The following NUGGC variants were observed in gnomAD, a reference collection of about 807,000 sequenced individuals.
NUGGC encodes nuclear GTPase SLIP-GC.
Under a neutral mutation model 92.6 loss-of-function variants are expected in NUGGC, and 58 were observed. That is an observed-to-expected ratio of 0.63 (90% CI 0.51 to 0.78). The LOEUF is 0.78. NUGGC is among the 30% of genes least tolerant of loss of function. The pLI, the probability that NUGGC is intolerant of heterozygous loss-of-function variation, is 0.00. For synonymous variants in NUGGC, 376 were observed against 366.4 expected (o/e 1.03, Z -0.30); for missense variants, 925 against 964.6 (o/e 0.96, Z 0.54).
At position 28,027,018 on chromosome 8, in the gene NUGGC, G is replaced by A; in HGVS notation, c.2189C>T (p.Thr730Ile). ...GGACGAAGCAAGGGCCAGCATAGTG[G>A]TGATGCTGCCCTTCACCTTCTCCAC... ...GIVEKVKGSI[T>I]TMLALASSQG... is the part of the protein sequence containing the mutation. The change falls in exon 18 of 19, where the codon ACC becomes ATC. Residue 730 changes from threonine (T) to isoleucine (I), a missense_variant. Thr to Ile is a moderately conservative substitution (Grantham distance 89). Coordinates refer to ENST00000413272, the MANE Select transcript of NUGGC (RefSeq NM_001010906.2). 6.2e-7 allele frequency: 1 copy of A among 1,613,734 alleles called. No homozygotes were observed.
At chr8:28,029,899 A>G (rs540903528) in intron 16 of NUGGC, among the ~76,000 whole-genome samples, 4 of 152,344 alleles carry the variant, frequency 2.6e-5, no homozygotes, top group African/African-American at 7.2e-5. Context: ...AAACCTAATG[A>G]CTGAATTAAG....
chr8:28,039,219 C>T (rs1239568524), intron 13 of NUGGC, among the ~76,000 whole-genome samples: 1 of 148,744 alleles, frequency 6.7e-6, no homozygotes, highest in Non-Finnish European at 1.5e-5. Flanking sequence ...GCAGCACATG[C>T]ATCTACTTAT....
Position 28,041,645 on chromosome 8 carries a change from T to C in NUGGC, c.1447-430A>G, listed in dbSNP as rs114560514. ...GGATAATGCTTCTTAAATTTTAACATGCATACAAATCAACAGGAGATCTTA... is the reference window on the plus strand; with the variant it reads ...GGATAATGCTTCTTAAATTTTAACACGCATACAAATCAACAGGAGATCTTA... On this transcript the variant is annotated intron_variant, in intron 12 of 18. Coordinates refer to ENST00000413272, the MANE Select transcript of NUGGC (RefSeq NM_001010906.2). Among the ~76,000 whole-genome samples the C allele has an allele frequency of 5.1e-3, 776 of 152,344 alleles. 5 individuals are homozygous for C. Among genetic ancestry groups the C allele is most frequent in the African/African-American group, 0.017 (714 of 41,570 alleles).
At chr8:28,052,457 C>A (rs1290301212) in intron 10 of NUGGC, among the ~76,000 whole-genome samples, 2 of 152,012 alleles carry the variant, frequency 1.3e-5, no homozygotes, top group South Asian at 2.1e-4. Flanking sequence ...AGGGTGGGCC[C>A]CTAATCCAAT....
intron 1 of NUGGC, among the ~76,000 whole-genome samples, chr8:28,079,070 T>C (rs1047670186): frequency 1.3e-5 from 2 of 152,248 alleles, no homozygotes; most frequent in African/African-American, 4.8e-5. Flanking sequence ...ATAGGAAGGC[T>C]GCACAGAACT....
At chr8:28,033,767 C>T in intron 13 of NUGGC, 70 bp from the exon 14 acceptor site, 1 of 1,346,882 alleles carries the variant, frequency 7.4e-7, no homozygotes, top group Non-Finnish European at 1.1e-6. Flanking sequence ...AATTGCATTG[C>T]CCTGGCCAAA....
intron 12 of NUGGC, among the ~76,000 whole-genome samples, chr8:28,044,926 T>C (rs1809792470): frequency 6.6e-6 from 1 of 152,224 alleles, no homozygotes; most frequent in Non-Finnish European, 1.5e-5. Flanking sequence ...TTATCCCTCT[T>C]ATTTTAGGGT....
chr8:28,027,471 C>T (rs968290733), intron 17 of NUGGC, among the ~76,000 whole-genome samples: 1 of 152,208 alleles, frequency 6.6e-6, no homozygotes, highest in African/African-American at 2.4e-5. Context: ...GTTTGCTGCA[C>T]ACTTGCTTTG....
intron 14 of NUGGC, among the ~76,000 whole-genome samples, chr8:28,032,809 T>C (rs1194897709): frequency 6.6e-6 from 1 of 150,920 alleles, no homozygotes. Context: ...ACCCACATCA[T>C]GTATGTGAGC....
chr8:28,069,811 C>T (rs1476884121), intron 3 of NUGGC, 159 bp from the exon 4 acceptor site: 10 of 609,186 alleles, frequency 1.6e-5, no homozygotes, highest in Admixed American at 5.4e-5. Context: ...CGAGGGATGG[C>T]GGCTCACTGG....
chr8:28,043,963 T>A (rs972227514), intron 12 of NUGGC, among the ~76,000 whole-genome samples: 1 of 152,224 alleles, frequency 6.6e-6, no homozygotes, highest in African/African-American at 2.4e-5. Flanking sequence ...AAACAAGTCA[T>A]AAGAAATAGA....
Position 28,041,071 on chromosome 8 carries a change from T to C in NUGGC, c.1591A>G (p.Ile531Val). The C allele has an allele frequency of 6.2e-7, 1 of 1,605,798 alleles. No individual in the cohort carries two copies. Among genetic ancestry groups the C allele is most frequent in the South Asian group, 1.1e-5 (1 of 89,044 alleles). The change falls in exon 13 of 19, where the codon ATC (isoleucine) becomes GTC (valine). Residue 531 changes from isoleucine to valine, a missense_variant. Transcript: ENST00000413272. ...VRTARTSYRC[I>V]LRACLVRSKG... ...CTCACCACCAAGCATGCTCTGAGGA[T>C]GCAGCGGTAAGAAGTCCTGGCGGTC...
intron 2 of NUGGC, among the ~76,000 whole-genome samples, chr8:28,071,213 A>G (rs1354188573): frequency 6.6e-6 from 1 of 152,140 alleles, no homozygotes; most frequent in Non-Finnish European, 1.5e-5. Context: ...TTCTTCACCA[A>G]ATGCCAAGTC....
chr8:28,055,220 T>C (rs534452116), intron 10 of NUGGC, among the ~76,000 whole-genome samples: 97 of 152,114 alleles, frequency 6.4e-4, no homozygotes, highest in Non-Finnish European at 1.2e-3. Flanking sequence ...CCCACTGCAC[T>C]CCAGCCTGGG....
At chr8:28,075,561 T>C (rs952781021) in intron 1 of NUGGC, among the ~76,000 whole-genome samples, 5 of 152,220 alleles carry the variant, frequency 3.3e-5, no homozygotes, top group African/African-American at 7.2e-5. Context: ...CTGATGTTTC[T>C]GTTTGGATCA....
In NUGGC at chr8:28,041,232, T is replaced by C; in HGVS notation, c.1447-17A>G. On this transcript the variant is annotated splice_polypyrimidine_tract_variant and intron_variant, in intron 12 of 18. Transcript: ENST00000413272. ...GTGTTCATTCTAGGGACAAGGACCA[T>C]AAAAGAATCAGGCCACCCCCTCCCT... 1.2e-6 allele frequency: 2 copies of C among 1,600,330 alleles called. No individual in the cohort carries two copies. Among genetic ancestry groups the C allele is most frequent in the Admixed American group, 1.7e-5 (1 of 58,878 alleles).
chr8:28,064,480 G>T (rs1585592373), intron 7 of NUGGC, 42 bp downstream of exon 7: 1 of 1,495,210 alleles, frequency 6.7e-7, no homozygotes, highest in East Asian at 2.3e-5. Flanking sequence ...AAGGGTAGAG[G>T]AGTTTAGGGA....
At chr8:28,049,331 AG>A (rs1456050978) in intron 10 of NUGGC, among the ~76,000 whole-genome samples, 2 of 152,188 alleles carry the variant, frequency 1.3e-5, no homozygotes, top group Non-Finnish European at 2.9e-5. Flanking sequence ...TCTAGGAAAA[AG>A]TTTAGGGAAA....
At chr8:28,066,780 C>G (rs1224995198) in intron 6 of NUGGC, among the ~76,000 whole-genome samples, 1 of 152,118 alleles carries the variant, frequency 6.6e-6, no homozygotes, top group East Asian at 1.9e-4. Context: ...GAATGTCCAT[C>G]CTGTCCCTCT....
Sources: gnomAD v4.1 joint callset for allele counts (sites outside exome capture counted in the v4.1 genomes callset) on GRCh38, gnomAD v4.1.1 for gene constraint, MANE v1.5 for transcripts, NCBI Gene and HGNC (gene_info 2026-07-23, HGNC 2026-07-21) for gene names.